SMIM36: variants seen among roughly 807,000 people sequenced by gnomAD.
The protein encoded by SMIM36 is small integral membrane protein 36.
chr17:55,529,208 G>T, the SMIM36 span, among the ~76,000 whole-genome samples: 1 of 152,314 alleles, frequency 6.6e-6, no homozygotes, highest in South Asian at 2.1e-4. Flanking sequence ...GTATAAAAGA[G>T]ATATTCATAC....
intron 4 of SMIM36, among the ~76,000 whole-genome samples, chr17:55,457,700 T>C (rs1182273263): frequency 2.0e-5 from 3 of 151,818 alleles, no homozygotes; most frequent in Non-Finnish European, 2.9e-5. Flanking sequence ...CTAATTTTTG[T>C]ATTTTTAGTA....
intron 1 of SMIM36, among the ~76,000 whole-genome samples, chr17:55,488,310 G>C (rs1322111914): frequency 6.6e-6 from 1 of 152,224 alleles, no homozygotes; most frequent in Non-Finnish European, 1.5e-5. Flanking sequence ...TGTTAGCGTG[G>C]AGGCTGCATT....
intron 4 of SMIM36, among the ~76,000 whole-genome samples, chr17:55,460,456 A>ACG (rs1373247758): frequency 2.7e-5 from 4 of 145,780 alleles, no homozygotes; most frequent in African/African-American, 1.1e-4. Context: ...ACAAAACAAA[A>ACG]AAAAAGAACA....
rs1259774154 is a variant in SMIM36 at position 55,501,404 on chromosome 17, TTATATATTATAAAATATAATATATTATTA to T, written c.*174+9446_*174+9474del. Among the ~76,000 whole-genome samples the T allele has an allele frequency of 8.2e-3, 159 of 19,426 alleles. 5 individuals are homozygous for T. The highest frequency in any genetic ancestry group is 0.022 in the African/African-American group (133 of 5,956). The allele number at this position is 19,426 out of a possible 152,430, so 12.7% of individuals were successfully genotyped here. A position where few individuals can be genotyped will look rare whatever the true frequency, so the allele number is the denominator to read the frequency against. ...ATAGAATATAATATATTATATATTA[TTATATATTATAAAATATAATATATTATTA>T]TATATTATAAAATATAATATATTAT... On this transcript the variant is annotated intron_variant, in intron 1 of 4. Coordinates refer to ENST00000636752, the Ensembl canonical transcript of SMIM36.
At chr17:55,513,023 C>A (rs8074541), upstream of SMIM36, among the ~76,000 whole-genome samples, 1 of 151,918 alleles carries the variant, frequency 6.6e-6, no homozygotes, top group African/African-American at 2.4e-5. Context: ...TTCTATGGTC[C>A]TGGACTAACT....
chr17:55,520,284 T>A, the SMIM36 span, among the ~76,000 whole-genome samples: 4 of 152,202 alleles, frequency 2.6e-5, no homozygotes, highest in African/African-American at 9.6e-5. Flanking sequence ...ATCTCAAGTA[T>A]GTAGTAGGCA....
At chr17:55,495,138 T>C (rs774365910) in intron 1 of SMIM36, among the ~76,000 whole-genome samples, 18 of 152,318 alleles carry the variant, frequency 1.2e-4, no homozygotes, top group Non-Finnish European at 1.2e-4. Context: ...AATAGATAAG[T>C]GGTCTGTAGG....
chr17:55,490,148 C>T (rs1468167781), intron 1 of SMIM36, among the ~76,000 whole-genome samples: 1 of 152,064 alleles, frequency 6.6e-6, no homozygotes, highest in East Asian at 1.9e-4. Flanking sequence ...AGCCACCGCG[C>T]CTGGCCATCG....
rs796506078 is a variant in SMIM36 at position 55,466,277 on chromosome 17, C to CAAAAAAAA, written c.*531+860_*531+867dup. 5.1e-4 allele frequency among the ~76,000 whole-genome samples: 24 copies of CAAAAAAAA among 46,860 alleles called. 1 individual carries two copies. The highest frequency in any genetic ancestry group is 1.3e-3 in the African/African-American group (17 of 13,400). 30.7% of individuals were successfully genotyped at this position (46,860 alleles called of 152,430 possible). On this transcript the variant is annotated intron_variant, in intron 4 of 4. Coordinates refer to ENST00000636752, the Ensembl canonical transcript of SMIM36. ...GGGCAACAAGATCAAGACTCCGTCT[C>CAAAAAAAA]AAAAAAAAAAAAAAAAAAAAAAAAA...
chr17:55,495,251 A>G (rs977149719), intron 1 of SMIM36, among the ~76,000 whole-genome samples: 1 of 152,228 alleles, frequency 6.6e-6, no homozygotes, highest in Non-Finnish European at 1.5e-5. Flanking sequence ...TATGATGGAA[A>G]TGACCTTCAA....
chr17:55,479,485 T>G (rs572246401), exon 2 of SMIM36: 1 of 152,378 alleles, frequency 6.6e-6, no homozygotes, highest in African/African-American at 2.4e-5. Context: ...CTCGGGAGGC[T>G]GAGGCAGGAG....
chr17:55,458,357 G>A (rs891150904), intron 4 of SMIM36: 3 of 152,172 alleles, frequency 2.0e-5, no homozygotes, highest in African/African-American at 7.2e-5. Flanking sequence ...GAATTAATAT[G>A]GGAGTGCTGG....
At chr17:55,487,174 G>A (rs779949286) in intron 1 of SMIM36, among the ~76,000 whole-genome samples, 4 of 151,828 alleles carry the variant, frequency 2.6e-5, no homozygotes, top group African/African-American at 4.8e-5. Context: ...ACCACAGGGC[G>A]GGGAACATCA....
upstream of SMIM36, among the ~76,000 whole-genome samples, chr17:55,512,520 T>A (rs1278771983): frequency 2.6e-5 from 4 of 152,264 alleles, no homozygotes; most frequent in East Asian, 7.7e-4. Context: ...GAAGATCAGA[T>A]ACTGATCGGA....
intron 3 of SMIM36, among the ~76,000 whole-genome samples, chr17:55,474,271 G>A (rs1017332391): frequency 6.6e-6 from 1 of 152,136 alleles, no homozygotes; most frequent in Non-Finnish European, 1.5e-5. Flanking sequence ...GGTGATTAAC[G>A]GACTGTCGAG....
intron 3 of SMIM36, among the ~76,000 whole-genome samples, chr17:55,476,138 C>T (rs1211913586): frequency 2.6e-5 from 4 of 152,180 alleles, no homozygotes; most frequent in Admixed American, 6.5e-5. Flanking sequence ...ATGTATACAT[C>T]CAGATGGCCT....
chr17:55,491,073 A>G (rs1347192934), intron 1 of SMIM36, among the ~76,000 whole-genome samples: 2 of 151,916 alleles, frequency 1.3e-5, no homozygotes, highest in Non-Finnish European at 2.9e-5. Context: ...TGGGCAACAT[A>G]GTAAGACCGC....
chr17:55,497,297 T>C (rs1400566452), intron 1 of SMIM36, among the ~76,000 whole-genome samples: 1 of 152,094 alleles, frequency 6.6e-6, no homozygotes, highest in East Asian at 1.9e-4. Context: ...AGAGTCTCGC[T>C]CTTGTTGCCC....
chr17:55,479,382 T>G (rs1227194952), intron 2 of SMIM36, 78 bp downstream of exon 2: 1 of 152,098 alleles, frequency 6.6e-6, no homozygotes, highest in African/African-American at 2.4e-5. Context: ...GTCAGGATTT[T>G]GAGACCAGCC....
Sources: gnomAD v4.1 joint callset for allele counts (sites outside exome capture counted in the v4.1 genomes callset) on GRCh38, gnomAD v4.1.1 for gene constraint, MANE v1.5 for transcripts, NCBI Gene and HGNC (gene_info 2026-07-23, HGNC 2026-07-21) for gene names.